Variants in PAX2 observed in about 807,000 individuals in gnomAD.
The protein encoded by PAX2 is paired box protein Pax-2.
PAX2 carries 9 observed loss-of-function variants against 41.7 expected under a neutral mutation model. The ratio of observed to expected loss-of-function variants is 0.22; its 90% confidence interval spans 0.13 to 0.38. The LOEUF is 0.38. Ranked by LOEUF, PAX2 falls within the 10% of genes least tolerant of loss-of-function variation. PAX2 has a pLI of 1.00. For missense variants in PAX2, 418 were observed against 531.6 expected, an observed-to-expected ratio of 0.79 and a Z score of 2.10; for synonymous variants, 221 against 212.7, an observed-to-expected ratio of 1.04 and a Z score of -0.34.
chr10:100,735,529 C>G (rs1197535775), exon 1 of PAX2: 4 of 339,430 alleles, frequency 1.2e-5, no homozygotes, highest in Middle Eastern at 9.9e-4. Flanking sequence ...AGAGCGGGCG[C>G]GGGCGGAGCA....
intron 1 of PAX2, chr10:100,749,337 TGCGGC>T: frequency 4.0e-6 from 4 of 1,010,882 alleles, no homozygotes; most frequent in Non-Finnish European, 4.7e-6. Flanking sequence ...CCGGGTTGCC[TGCGGC>T]GCAGGCGGGA....
At chr10:100,739,480 T>A (rs374370359) in intron 1 of PAX2, among the ~76,000 whole-genome samples, 2 of 152,110 alleles carry the variant, frequency 1.3e-5, no homozygotes, top group African/African-American at 2.4e-5. Context: ...GTAGATTTGG[T>A]GCCGGCTCGC....
rs1174273031 is a variant in PAX2, at chr10:100,828,063, G to C, written c.*444G>C. The C allele has an allele frequency of 8.5e-6, 2 of 236,580 alleles. No individual in the cohort carries two copies. Among genetic ancestry groups the C allele is most frequent in the East Asian group, 1.2e-4 (2 of 16,116 alleles). The allele number at this position is 236,580 out of a possible 1,614,324, so 14.7% of individuals were successfully genotyped here. A position where few individuals can be genotyped will look rare whatever the true frequency, so the allele number is the denominator to read the frequency against. ...CGGCCCAGCCCCGGGCACCCGCCTC[G>C]GACGCTCGGGCGCCAGGAGGCTTCG... On this transcript the variant is annotated 3_prime_UTR_variant, in exon 10 of 10. Transcript: ENST00000355243. The surrounding 1 kb of genome is among the most constrained non-coding windows in gnomAD (Gnocchi z 6.5).
At chr10:100,767,105 C>A (rs1272678889) in intron 3 of PAX2, among the ~76,000 whole-genome samples, 1 of 152,174 alleles carries the variant, frequency 6.6e-6, no homozygotes, top group Non-Finnish European at 1.5e-5. Flanking sequence ...CGGTAATGCA[C>A]AACACAGTTC....
intron 1 of PAX2, chr10:100,749,213 G>T (rs1033578565): frequency 3.2e-5 from 32 of 989,200 alleles, no homozygotes; most frequent in African/African-American, 5.2e-5. Context: ...GCAAAGGGGG[G>T]TGTGTGTGTC....
In PAX2 at chr10:100,827,511, C is replaced by G. The variant is rs771922876; in HGVS notation, c.1109-32C>G. ...TTTGTTCTCCTGTTTGTCCTCTCAC[C>G]CAGCCCATTCTTCTCCTGTGTTAAC... On this transcript the variant is annotated intron_variant, in intron 9 of 9. Coordinates refer to ENST00000355243, the MANE Select transcript of PAX2 (RefSeq NM_000278.5). This position sits in a 1 kb window ranked among gnomAD's most constrained non-coding sequence, Gnocchi z 8.5. 3 of 1,608,320 alleles carry G rather than the reference C, an allele frequency of 1.9e-6. No individual in the cohort carries two copies. The highest frequency in any genetic ancestry group is 2.2e-5 in the South Asian group (2 of 90,970).
At chr10:100,801,399 T>G (rs1847558936) in intron 5 of PAX2, among the ~76,000 whole-genome samples, 1 of 152,254 alleles carries the variant, frequency 6.6e-6, no homozygotes, top group Admixed American at 6.5e-5. Flanking sequence ...AAGAATAATC[T>G]ATGTCAAAGT....
At position 100,824,879 on chromosome 10, in the gene PAX2, A is replaced by G; in HGVS notation, c.1021+130A>G. The G allele has an allele frequency of 6.2e-7, 1 of 1,603,602 alleles. No homozygotes were observed. The highest frequency in any genetic ancestry group is 1.1e-5 in the South Asian group (1 of 90,866). On this transcript the variant is annotated intron_variant, in intron 8 of 9. Transcript: ENST00000355243. The surrounding 1 kb of genome is among the most constrained non-coding windows in gnomAD (Gnocchi z 6.6). ...CGTCCCCTCCCTGCAAACCACTGCT[A>G]TTCTGTCCCTCTCTCTCCTTAGAGG...
chr10:100,828,597 G>A lies in PAX2; in HGVS notation c.*978G>A, dbSNP rs1848668125. ...GACCAGTTTCCATAGACTGCGGACT[G>A]GGGTCTTCCTCCAGCAGTTACTTGA... On this transcript the variant is annotated 3_prime_UTR_variant, in exon 10 of 10. Coordinates refer to ENST00000355243, the MANE Select transcript of PAX2 (RefSeq NM_000278.5). The surrounding 1 kb of genome is among the most constrained non-coding windows in gnomAD (Gnocchi z 6.5). 1 of 233,116 alleles carries A rather than the reference G, an allele frequency of 4.3e-6. No homozygotes were observed. The highest frequency in any genetic ancestry group is 2.2e-5 in the African/African-American group (1 of 45,260). The allele number at this position is 233,116 out of a possible 1,614,324, so 14.4% of individuals were successfully genotyped here.
chr10:100,749,210 G>A (rs1845335259), intron 1 of PAX2: 11 of 989,418 alleles, frequency 1.1e-5, no homozygotes, highest in Non-Finnish European at 1.2e-5. Flanking sequence ...AGAGCAAAGG[G>A]GGGTGTGTGT....
chr10:100,747,249 C>CA (rs905848384), intron 1 of PAX2: 1 of 150,860 alleles, frequency 6.6e-6, no homozygotes, highest in Non-Finnish European at 1.5e-5. Context: ...CAGCAAAGAG[C>CA]AAAAAATGAG....
intron 3 of PAX2, among the ~76,000 whole-genome samples, chr10:100,753,878 C>T (rs1845537859): frequency 6.6e-6 from 1 of 152,240 alleles, no homozygotes; most frequent in Non-Finnish European, 1.5e-5. Flanking sequence ...AGAAATGCCT[C>T]TCTGAACCAG....
At chr10:100,777,184 C>T (rs992941218) in intron 3 of PAX2, among the ~76,000 whole-genome samples, 7 of 151,238 alleles carry the variant, frequency 4.6e-5, no homozygotes, top group African/African-American at 1.7e-4. Flanking sequence ...TCACTGCAAC[C>T]TCCGCCTCCT....
In PAX2 at chr10:100,773,763, T is replaced by G. The variant is rs143446355; in HGVS notation, c.411-5735T>G. Among the ~76,000 whole-genome samples the G allele has an allele frequency of 4.2e-3, 635 of 152,260 alleles. 2 individuals are homozygous for G. Among genetic ancestry groups the G allele is most frequent in the Non-Finnish European group, 4.2e-3 (287 of 68,016 alleles). On this transcript the variant is annotated intron_variant, in intron 3 of 9. Coordinates refer to ENST00000355243, the MANE Select transcript of PAX2 (RefSeq NM_000278.5). ...TGCCCCGGCCCCCCAGGTGTATGAT[T>G]CCAGCAGACACTTAACCTTTTTTAC...
At position 100,749,878 on chromosome 10, in the gene PAX2, G is replaced by T; in HGVS notation, c.176G>T (p.Arg59Leu). The stretch of plus-strand genomic sequence containing the variant: ...CCCTGTGACATCTCCCGGCAGCTGC[G>T]GGTCAGCCACGGCTGTGTCAGCAAA... Reference protein sequence around the residue: ...VRPCDISRQLRVSHGCVSKIL... With the variant: ...VRPCDISRQLLVSHGCVSKIL... The change falls in exon 2 of 10, where the codon CGG (arginine) becomes CTG (leucine). Residue 59 changes from arginine to leucine, a missense_variant. Physicochemically the swap from Arg to Leu is moderately radical, Grantham distance 102 (BLOSUM62 -2). Around this residue, in one of 2 missense-constraint regions of PAX2, gnomAD observed 108 missense variants for 206.3 expected, o/e 0.52. Transcript: ENST00000355243. 1 of 1,612,394 alleles carries T rather than the reference G, an allele frequency of 6.2e-7. No homozygotes were observed.
At position 100,824,572 on chromosome 10, in the gene PAX2, C is replaced by T. The variant is rs1040369463; in HGVS notation, c.920-76C>T. 1.3e-5 allele frequency: 13 copies of T among 1,018,026 alleles called. No individual in the cohort carries two copies. The highest frequency in any genetic ancestry group is 3.8e-5 in the South Asian group (3 of 79,288). 63.1% of individuals were successfully genotyped at this position (1,018,026 alleles called of 1,614,324 possible). A position where few individuals can be genotyped will look rare whatever the true frequency, so the allele number is the denominator to read the frequency against. On this transcript the variant is annotated intron_variant, in intron 7 of 9. Coordinates refer to ENST00000355243, the MANE Select transcript of PAX2 (RefSeq NM_000278.5). This position sits in a 1 kb window ranked among gnomAD's most constrained non-coding sequence, Gnocchi z 6.6. ...CTTTCCTCTCCAAGAGTTTCCTCTC[C>T]GTGCAGTACCCTGGTGTGAGTAGAG...
intron 3 of PAX2, among the ~76,000 whole-genome samples, chr10:100,768,514 A>C (rs1476016621): frequency 6.6e-6 from 1 of 152,218 alleles, no homozygotes; most frequent in Admixed American, 6.5e-5. Context: ...CAGCTATGGC[A>C]CATGCATGGG....
chr10:100,758,681 A>G (rs1845726213), intron 3 of PAX2, among the ~76,000 whole-genome samples: 1 of 152,232 alleles, frequency 6.6e-6, no homozygotes, highest in African/African-American at 2.4e-5. Context: ...GCCTGCAGGC[A>G]GTGATGCAGG....
intron 7 of PAX2, among the ~76,000 whole-genome samples, chr10:100,817,080 G>A (rs560348296): frequency 6.6e-6 from 1 of 152,264 alleles, no homozygotes; most frequent in South Asian, 2.1e-4. Flanking sequence ...CAGCATGAGG[G>A]TCTCTCATGC....
Sources: allele counts gnomAD v4.1 joint callset (sites outside exome capture counted in the v4.1 genomes callset), GRCh38; gene constraint gnomAD v4.1.1; regional missense constraint gnomAD v4.1.1; non-coding constraint Gnocchi (gnomAD v3.1); transcripts MANE v1.5; gene names NCBI Gene and HGNC (gene_info 2026-07-23, HGNC 2026-07-21).